The following SH3RF3 variants were observed in gnomAD, a reference collection of about 807,000 sequenced individuals.
SH3RF3 encodes E3 ubiquitin-protein ligase SH3RF3.
In SH3RF3, 29 loss-of-function variants were observed where a neutral mutation model predicts 66.3. The observed-to-expected ratio is 0.44, with a 90% CI of 0.33 to 0.60. The LOEUF is 0.60. SH3RF3 is among the 20% of genes least tolerant of loss of function. The pLI is 0.04. For synonymous variants in SH3RF3, 583 were observed against 532.0 expected, an observed-to-expected ratio of 1.10 and a Z score of -1.32; for missense variants, 1,194 against 1,190.9, an observed-to-expected ratio of 1.00 and a Z score of -0.04.
intron 8 of SH3RF3, among the ~76,000 whole-genome samples, chr2:109,457,887 A>G (rs1169318740): frequency 6.6e-6 from 1 of 152,226 alleles, no homozygotes; most frequent in Non-Finnish European, 1.5e-5. Context: ...CCAGAAGGCA[A>G]CAAAGTCAGC....
rs1338067830 is a variant in SH3RF3 at position 109,419,717 on chromosome 2, G to A, written c.1403+75G>A. The A allele has an allele frequency of 2.8e-6, 4 of 1,414,022 alleles. No individual in the cohort carries two copies. The African/African-American group carries it at 5.7e-5, about 20-fold the overall frequency. 87.6% of individuals were successfully genotyped at this position (1,414,022 alleles called of 1,614,324 possible). ...CCTGCCTGGGCTGACCTGTCCACGT[G>A]TGGTTTCCGCAGGGTTTTCCCATGT... On this transcript the variant is annotated intron_variant, in intron 5 of 9. Transcript: ENST00000309415.
chr2:109,268,601 T>G (rs947279541), intron 1 of SH3RF3, among the ~76,000 whole-genome samples: 4 of 152,222 alleles, frequency 2.6e-5, no homozygotes, highest in Admixed American at 6.5e-5. Context: ...GGTCCCCCAC[T>G]GAACAATTTT....
intron 8 of SH3RF3, among the ~76,000 whole-genome samples, chr2:109,481,374 G>A (rs1380255357): frequency 6.6e-6 from 1 of 152,138 alleles, no homozygotes; most frequent in East Asian, 1.9e-4. Context: ...AGTTTATTGC[G>A]GCTATGCTTC....
At chr2:109,440,171 G>A (rs1677521542) in intron 7 of SH3RF3, among the ~76,000 whole-genome samples, 1 of 152,212 alleles carries the variant, frequency 6.6e-6, no homozygotes, top group African/African-American at 2.4e-5. Flanking sequence ...ATGGAAGAAG[G>A]AGAAGTCCAG....
chr2:109,176,121 T>C (rs1363515311), intron 1 of SH3RF3, among the ~76,000 whole-genome samples: 1 of 152,188 alleles, frequency 6.6e-6, no homozygotes, highest in African/African-American at 2.4e-5. Flanking sequence ...TTCCTGGGTG[T>C]CTGCCCTTTA....
chr2:109,348,348 C>G (rs115772930), intron 2 of SH3RF3, among the ~76,000 whole-genome samples: 3,606 of 152,280 alleles, frequency 0.024, 137 homozygotes, highest in African/African-American at 0.082. Flanking sequence ...GGGGAAACTG[C>G]TACAGAGACC....
intron 1 of SH3RF3, among the ~76,000 whole-genome samples, chr2:109,178,773 C>T (rs1677991765): frequency 6.6e-6 from 1 of 151,990 alleles, no homozygotes; most frequent in African/African-American, 2.4e-5. Context: ...TATTAGATTT[C>T]GTAGGTGTCT....
intron 8 of SH3RF3, among the ~76,000 whole-genome samples, chr2:109,451,993 C>T (rs187317846): frequency 6.6e-6 from 1 of 152,364 alleles, no homozygotes; most frequent in Non-Finnish European, 1.5e-5. Context: ...ACATTGCCCT[C>T]CCACACATTG....
At chr2:109,414,534 T>C (rs1187156208) in intron 4 of SH3RF3, among the ~76,000 whole-genome samples, 1 of 152,174 alleles carries the variant, frequency 6.6e-6, no homozygotes, top group African/African-American at 2.4e-5. Flanking sequence ...GACGCCATCT[T>C]GGCTACGGTC....
intron 8 of SH3RF3, among the ~76,000 whole-genome samples, chr2:109,462,919 G>T (rs1678243506): frequency 6.6e-6 from 1 of 152,196 alleles, no homozygotes; most frequent in Non-Finnish European, 1.5e-5. Flanking sequence ...CAGATCCAGT[G>T]TCCAGCTGTC....
intron 4 of SH3RF3, among the ~76,000 whole-genome samples, chr2:109,407,280 T>C (rs139466333): frequency 3.9e-4 from 59 of 152,236 alleles, no homozygotes; most frequent in African/African-American, 1.4e-3. Context: ...TTAAAATCAA[T>C]GGAAGGGGAA....
intron 1 of SH3RF3, among the ~76,000 whole-genome samples, chr2:109,133,722 ATT>A (rs35011575): frequency 0.066 from 8,439 of 128,818 alleles, 613 homozygotes; most frequent in African/African-American, 0.2. Flanking sequence ...CCAAGGGACA[ATT>A]TTTTTTTTTT....
chr2:109,379,334 A>T (rs1683458871), intron 3 of SH3RF3, among the ~76,000 whole-genome samples: 1 of 152,234 alleles, frequency 6.6e-6, no homozygotes, highest in Non-Finnish European at 1.5e-5. Context: ...TAGATGAGGA[A>T]CTGGAAAACG....
intron 1 of SH3RF3, among the ~76,000 whole-genome samples, chr2:109,139,832 A>G (rs944772785): frequency 2.8e-4 from 43 of 152,206 alleles, no homozygotes; most frequent in African/African-American, 3.6e-4. Flanking sequence ...CCAAAGACCA[A>G]TGTGTCCATT....
intron 1 of SH3RF3, among the ~76,000 whole-genome samples, chr2:109,289,435 C>T (rs1453932029): frequency 6.6e-6 from 1 of 152,102 alleles, no homozygotes. Context: ...GCTTGGATTT[C>T]TTGATGCTAC....
In SH3RF3 at chr2:109,449,291, G is replaced by A. The variant is rs375715757; in HGVS notation, c.1950G>A (p.Pro650=). The part of the protein sequence containing the change: ...TSLRPHSVVS[P]QHSHQPPVQM... ...TCAGGCCCCACTCGGTGGTGTCCCC[G>A]CAGCACAGCCACCAGCCCCCGGTGC... is the stretch of plus-strand genomic sequence containing the variant. The change falls in exon 8 of 10, where the codon CCG becomes CCA. Residue 650 remains proline (P), a synonymous_variant. Coordinates refer to ENST00000309415, the MANE Select transcript of SH3RF3 (RefSeq NM_001099289.3). 1.5e-4 allele frequency: 244 copies of A among 1,608,434 alleles called. 1 individual carries two copies. The highest frequency in any genetic ancestry group is 1.7e-4 in the Middle Eastern group (1 of 6,060).
chr2:109,230,921 G>A (rs1445552396), intron 1 of SH3RF3, among the ~76,000 whole-genome samples: 2 of 152,246 alleles, frequency 1.3e-5, no homozygotes, highest in Non-Finnish European at 2.9e-5. Flanking sequence ...CTAAGGGACA[G>A]CTCAAACAGG....
chr2:109,346,876 C>T (rs1682721262), intron 1 of SH3RF3, among the ~76,000 whole-genome samples: 1 of 152,198 alleles, frequency 6.6e-6, no homozygotes, highest in South Asian at 2.1e-4. Context: ...AATTGTACTT[C>T]TGGAACAGAC....
At chr2:109,134,205 T>TG (rs1227830973) in intron 1 of SH3RF3, among the ~76,000 whole-genome samples, 1 of 152,200 alleles carries the variant, frequency 6.6e-6, no homozygotes, top group African/African-American at 2.4e-5. Context: ...GATTGATATT[T>TG]GGGCAAGTCA....
Sources: allele counts gnomAD v4.1 joint callset (sites outside exome capture counted in the v4.1 genomes callset), GRCh38; gene constraint gnomAD v4.1.1; transcripts MANE v1.5; gene names NCBI Gene and HGNC (gene_info 2026-07-23, HGNC 2026-07-21).